The following PIK3CB variants were observed in gnomAD, a reference collection of about 807,000 sequenced individuals.
PIK3CB encodes phosphatidylinositol 4,5-bisphosphate 3-kinase catalytic subunit beta isoform.
Under a neutral mutation model 136.8 loss-of-function variants are expected in PIK3CB, and 39 were observed. The ratio of observed to expected loss-of-function variants is 0.29; its 90% confidence interval spans 0.22 to 0.37. The LOEUF (loss-of-function observed/expected upper bound fraction) is 0.37, where lower values mean the gene tolerates loss of function less well. Ranked by LOEUF, PIK3CB falls within the 10% of genes least tolerant of loss-of-function variation. PIK3CB has a pLI of 1.00. For missense variants in PIK3CB, 868 were observed against 1,275.4 expected, an observed-to-expected ratio of 0.68 and a Z score of 4.87; for synonymous variants, 428 against 436.6, an observed-to-expected ratio of 0.98 and a Z score of 0.25.
At chr3:138,748,156 TACACACACACACAC>T (rs3071146) in intron 4 of PIK3CB, among the ~76,000 whole-genome samples, 4,961 of 142,976 alleles carry the variant, frequency 0.035, 286 homozygotes, top group African/African-American at 0.12. Flanking sequence ...TTAGAAATCA[TACACACACACACAC>T]ACACACACAC....
intron 12 of PIK3CB, among the ~76,000 whole-genome samples, chr3:138,701,197 G>A (rs2044244542): frequency 6.7e-6 from 1 of 150,372 alleles, no homozygotes; most frequent in Admixed American, 6.6e-5. Context: ...CTTCAGAAAT[G>A]TCAGTCATTA....
intron 4 of PIK3CB, among the ~76,000 whole-genome samples, chr3:138,744,791 C>CT (rs2045320291): frequency 6.6e-6 from 1 of 152,188 alleles, no homozygotes; most frequent in South Asian, 2.1e-4. Flanking sequence ...TTTTCGGGCA[C>CT]TGTTTCTTCT....
intron 6 of PIK3CB, among the ~76,000 whole-genome samples, chr3:138,735,574 C>T (rs558905): frequency 0.55 from 83,751 of 151,874 alleles, 24,145 homozygotes; most frequent in East Asian, 0.99. Context: ...CATCACAGAG[C>T]TCTAGGCAAG....
intron 10 of PIK3CB, among the ~76,000 whole-genome samples, chr3:138,707,919 G>T (rs958475537): frequency 4.6e-5 from 7 of 152,040 alleles, no homozygotes; most frequent in African/African-American, 1.7e-4. Context: ...TGTGATTTTA[G>T]AATTTCAGTG....
intron 16 of PIK3CB, among the ~76,000 whole-genome samples, chr3:138,687,822 G>A (rs531907260): frequency 3.0e-3 from 462 of 152,226 alleles, no homozygotes; most frequent in Non-Finnish European, 5.0e-3. Context: ...TGTAGGAAGG[G>A]AAACACGGGG....
chr3:138,771,147 A>G (rs375364436), intron 2 of PIK3CB, among the ~76,000 whole-genome samples: 11 of 152,022 alleles, frequency 7.2e-5, no homozygotes, highest in East Asian at 5.8e-4. Context: ...ATCAGCCCCA[A>G]CTGTTGATGT....
At chr3:138,714,174 A>G (rs1055685903) in intron 9 of PIK3CB, among the ~76,000 whole-genome samples, 1 of 152,180 alleles carries the variant, frequency 6.6e-6, no homozygotes, top group Non-Finnish European at 1.5e-5. Context: ...ATCATTCTTC[A>G]TATCTTCTTA....
At chr3:138,668,040 C>G (rs1346545258) in intron 19 of PIK3CB, among the ~76,000 whole-genome samples, 1 of 151,852 alleles carries the variant, frequency 6.6e-6, no homozygotes, top group Non-Finnish European at 1.5e-5. Context: ...TGCACTCCAG[C>G]CTGGGCAATA....
chr3:138,680,278 A>C (rs190834225), intron 19 of PIK3CB, among the ~76,000 whole-genome samples: 670 of 152,030 alleles, frequency 4.4e-3, no homozygotes, highest in Middle Eastern at 0.024. Flanking sequence ...GAATCACTTG[A>C]ACTCAGGAGG....
At chr3:138,664,893 G>T in intron 20 of PIK3CB, 143 bp downstream of exon 20, 1 of 501,630 alleles carries the variant, frequency 2.0e-6, no homozygotes, top group Non-Finnish European at 3.5e-6. Flanking sequence ...AGGGCTATGT[G>T]TCATTTTGTT....
chr3:138,795,662 T>C (rs2046101329), intron 2 of PIK3CB, among the ~76,000 whole-genome samples: 1 of 152,134 alleles, frequency 6.6e-6, no homozygotes, highest in African/African-American at 2.4e-5. Flanking sequence ...TGGGCATTAA[T>C]TGATCTATAG....
intron 1 of PIK3CB, among the ~76,000 whole-genome samples, chr3:138,813,606 A>G (rs1455959706): frequency 1.3e-5 from 2 of 151,706 alleles, no homozygotes; most frequent in East Asian, 3.9e-4. Context: ...TTTAGTAGAG[A>G]CGGGGTTTCA....
chr3:138,806,325 A>C (rs2108855507), intron 1 of PIK3CB, among the ~76,000 whole-genome samples: 1 of 152,182 alleles, frequency 6.6e-6, no homozygotes, highest in South Asian at 2.1e-4. Context: ...GTCTCAACTA[A>C]AAATACAAAA....
intron 1 of PIK3CB, among the ~76,000 whole-genome samples, chr3:138,809,873 A>T (rs1032672533): frequency 6.6e-6 from 1 of 152,198 alleles, no homozygotes; most frequent in African/African-American, 2.4e-5. Flanking sequence ...CATTATGTTC[A>T]GCTCTTAGTT....
At chr3:138,714,000 T>C (rs897332526) in intron 9 of PIK3CB, among the ~76,000 whole-genome samples, 2 of 152,196 alleles carry the variant, frequency 1.3e-5, no homozygotes, top group Non-Finnish European at 2.9e-5. Flanking sequence ...ACTCCAAATA[T>C]TAACATGTTT....
At chr3:138,776,559 C>T (rs1291578532) in intron 2 of PIK3CB, among the ~76,000 whole-genome samples, 3 of 151,940 alleles carry the variant, frequency 2.0e-5, no homozygotes, top group African/African-American at 7.3e-5. Flanking sequence ...ATTAGCTGGG[C>T]GTGGTAGCAC....
intron 1 of PIK3CB, among the ~76,000 whole-genome samples, chr3:138,819,425 A>C (rs1250975572): frequency 6.6e-6 from 1 of 152,194 alleles, no homozygotes; most frequent in African/African-American, 2.4e-5. Context: ...ACTCTTGGTA[A>C]AGTTCTGAAC....
chr3:138,734,950 AAATT>A, intron 6 of PIK3CB, 146 bp from the exon 7 acceptor site: 2 of 397,834 alleles, frequency 5.0e-6, no homozygotes, highest in South Asian at 1.1e-4. Context: ...TAAAAAAAAA[AAATT>A]TTTTTTTTTT....
At chr3:138,811,904 T>C (rs1159236052) in intron 1 of PIK3CB, among the ~76,000 whole-genome samples, 2 of 151,990 alleles carry the variant, frequency 1.3e-5, no homozygotes, top group African/African-American at 4.8e-5. Flanking sequence ...GCCTGGGAAC[T>C]GTGGCAAAAC....
Sources: gnomAD v4.1 joint callset for allele counts (sites outside exome capture counted in the v4.1 genomes callset) on GRCh38, gnomAD v4.1.1 for gene constraint, MANE v1.5 for transcripts, NCBI Gene and HGNC (gene_info 2026-07-23, HGNC 2026-07-21) for gene names.